The following CCDC7 variants were observed in gnomAD, a reference collection of about 807,000 sequenced individuals.
CCDC7 encodes coiled-coil domain containing 7.
A neutral mutation model predicts 196.9 loss-of-function variants in CCDC7; 183 were observed. The observed-to-expected ratio is 0.93, with a 90% CI of 0.82 to 1.05. The LOEUF (loss-of-function observed/expected upper bound fraction) is 1.05, where lower values mean the gene tolerates loss of function less well. CCDC7 is among the 50% of genes least tolerant of loss of function. The pLI is 0.00. For synonymous variants in CCDC7, 525 were observed against 484.6 expected (o/e 1.08, Z -1.10); for missense variants, 1,540 against 1,482.2 (o/e 1.04, Z -0.64).
intron 24 of CCDC7, among the ~76,000 whole-genome samples, chr10:32,698,113 CCTGA>C (rs1201708824): frequency 4.7e-5 from 6 of 127,806 alleles, no homozygotes; most frequent in African/African-American, 1.5e-4. Context: ...AGCTAAGGGT[CCTGA>C]CTGTTAGAAG....
intron 8 of CCDC7, among the ~76,000 whole-genome samples, chr10:32,482,647 C>A (rs184222387): frequency 7.9e-4 from 120 of 151,750 alleles, no homozygotes; most frequent in East Asian, 1.2e-3. Context: ...ATCCCTCCCA[C>A]CTCCCCCAAC....
At chr10:32,631,470 G>A (rs2064849890) in intron 18 of CCDC7, among the ~76,000 whole-genome samples, 1 of 151,938 alleles carries the variant, frequency 6.6e-6, no homozygotes, top group Non-Finnish European at 1.5e-5. Flanking sequence ...TAAATGTAAG[G>A]GTTTGTTTCT....
intron 37 of CCDC7, 117 bp from the exon 39 acceptor site, chr10:32,847,716 A>T (rs375602830): frequency 4.2e-6 from 1 of 239,922 alleles, no homozygotes; most frequent in African/African-American, 2.4e-5. Flanking sequence ...TCCTGTCTCT[A>T]AAAAAAAAAA....
intron 25 of CCDC7, among the ~76,000 whole-genome samples, chr10:32,724,064 G>A (rs1438355547): frequency 6.6e-6 from 1 of 151,954 alleles, no homozygotes; most frequent in Admixed American, 6.6e-5. Context: ...CTAGGGAATT[G>A]GAAGCTAAAA....
intron 16 of CCDC7, 75 bp from the exon 18 acceptor site, chr10:32,582,959 T>A (rs2058885442): frequency 1.2e-6 from 1 of 842,684 alleles, no homozygotes; most frequent in Non-Finnish European, 1.6e-6. Context: ...CCTTATATAT[T>A]ATTAAAATGA....
chr10:32,823,653 C>CA (rs1174495735), intron 31 of CCDC7, among the ~76,000 whole-genome samples: 2 of 152,106 alleles, frequency 1.3e-5, no homozygotes, highest in Non-Finnish European at 2.9e-5. Context: ...AACTTTGACA[C>CA]AAAAAACTTC....
chr10:32,673,897 C>T (rs1565081046), intron 21 of CCDC7, among the ~76,000 whole-genome samples: 2 of 151,862 alleles, frequency 1.3e-5, no homozygotes, highest in Non-Finnish European at 2.9e-5. Context: ...GTTTGTTGGT[C>T]CATAAATTGT....
intron 28 of CCDC7, among the ~76,000 whole-genome samples, chr10:32,770,655 CCGTT>C (rs2134068281): frequency 6.6e-6 from 1 of 152,110 alleles, no homozygotes; most frequent in African/African-American, 2.4e-5. Context: ...TCATTTAAGT[CCGTT>C]GTTTCTCTGT....
upstream of CCDC7, among the ~76,000 whole-genome samples, chr10:32,444,840 A>G (rs565094517): frequency 3.4e-5 from 5 of 149,058 alleles, no homozygotes; most frequent in African/African-American, 1.2e-4. Context: ...AAATAAGCAT[A>G]TGCCTTCATG....
chr10:32,878,621 G>T (rs911992297), downstream of CCDC7, among the ~76,000 whole-genome samples: 7 of 152,018 alleles, frequency 4.6e-5, no homozygotes, highest in Non-Finnish European at 1.0e-4. Context: ...TGCCATCAAA[G>T]GTAAGGCTAC....
exon 1 of CCDC7, chr10:32,451,875 T>G (rs1432756768): frequency 1.2e-6 from 2 of 1,612,124 alleles, no homozygotes; most frequent in Non-Finnish European, 1.7e-6. Flanking sequence ...AAGAACTTAC[T>G]ACCAGAAGAT....
intron 18 of CCDC7, 102 bp from the exon 20 acceptor site, chr10:32,634,152 G>T: frequency 2.3e-6 from 1 of 434,898 alleles, no homozygotes; most frequent in Non-Finnish European, 3.8e-6. Context: ...TTATGAGAAT[G>T]AGAGAAAATG....
intron 28 of CCDC7, among the ~76,000 whole-genome samples, chr10:32,769,332 G>A (rs2078801715): frequency 6.6e-6 from 1 of 151,726 alleles, no homozygotes; most frequent in African/African-American, 2.4e-5. Flanking sequence ...TTAAATTTCT[G>A]TGGTATCAGT....
intron 11 of CCDC7, among the ~76,000 whole-genome samples, chr10:32,522,878 A>G (rs2135641171): frequency 6.6e-6 from 1 of 152,030 alleles, no homozygotes; most frequent in East Asian, 1.9e-4. Flanking sequence ...TATTTCTTTC[A>G]TGAATTTTTT....
chr10:32,710,075 T>G (rs1165940529), intron 24 of CCDC7, among the ~76,000 whole-genome samples: 2 of 152,194 alleles, frequency 1.3e-5, no homozygotes, highest in Non-Finnish European at 2.9e-5. Flanking sequence ...CTTCTCATTC[T>G]CTGACTTTGC....
chr10:32,574,468 C>G (rs2057959699), intron 16 of CCDC7: 1 of 1,587,946 alleles, frequency 6.3e-7, no homozygotes, highest in Non-Finnish European at 8.6e-7. Context: ...AAAAGTCTCC[C>G]AAACCTTCAG....
intron 41 of CCDC7, among the ~76,000 whole-genome samples, chr10:32,855,866 G>C (rs1312038999): frequency 6.6e-6 from 1 of 152,158 alleles, no homozygotes; most frequent in African/African-American, 2.4e-5. Flanking sequence ...GTATGGTACT[G>C]GCCTAAAGAC....
At chr10:32,528,729 T>TATATATACACAC (rs1372103113) in intron 11 of CCDC7, among the ~76,000 whole-genome samples, 1 of 143,282 alleles carries the variant, frequency 7.0e-6, no homozygotes, top group African/African-American at 2.6e-5. Context: ...TATACGTATT[T>TATATATACACAC]ACGTATATAT....
intron 33 of CCDC7, among the ~76,000 whole-genome samples, chr10:32,844,436 T>C (rs2093161893): frequency 6.6e-6 from 1 of 151,964 alleles, no homozygotes. Context: ...ATCTTAGAAA[T>C]GACATGAAGT....
Sources: gnomAD v4.1 joint callset for allele counts (sites outside exome capture counted in the v4.1 genomes callset) on GRCh38, gnomAD v4.1.1 for gene constraint, MANE v1.5 for transcripts, NCBI Gene and HGNC (gene_info 2026-07-23, HGNC 2026-07-21) for gene names.